Variants in ABCC11 observed in about 807,000 individuals in gnomAD.
The protein encoded by ABCC11 is ATP binding cassette subfamily C member 11.
ABCC11 carries 135 observed loss-of-function variants against 149.3 expected under a neutral mutation model. The ratio of observed to expected loss-of-function variants is 0.90; its 90% CI spans 0.79 to 1.04. ABCC11 has a LOEUF of 1.04. Among genes scored for constraint, ABCC11 ranks in the 50% least tolerant of loss-of-function variants. The pLI is 0.00. For synonymous variants in ABCC11, 665 were observed against 671.4 expected (o/e 0.99, Z 0.15); for missense variants, 1,680 against 1,722.1 (o/e 0.98, Z 0.43).
chr16:48,219,063 G>A (rs557040143), intron 6 of ABCC11, among the ~76,000 whole-genome samples: 4 of 152,080 alleles, frequency 2.6e-5, no homozygotes, highest in East Asian at 3.9e-4. Context: ...AGAGGAGGAC[G>A]CTATGTAAAA....
In ABCC11 at chr16:48,207,550, C is replaced by G. The variant is rs1006689570; in HGVS notation, c.1680+875G>C. Among the ~76,000 whole-genome samples, 7 of 152,026 alleles carry G rather than the reference C, an allele frequency of 4.6e-5. 1 individual carries two copies. Among genetic ancestry groups the G allele is most frequent in the Admixed American group, 3.9e-4 (6 of 15,280 alleles). ...GGCATGGTGGCGCATGCCTGTAGTC[C>G]CAGCTACTCAGGAGGTTGAGGCATG... On this transcript the variant is annotated intron_variant, in intron 12 of 29. Transcript: ENST00000356608.
chr16:48,231,675 A>AAAAG, intron 2 of ABCC11, 148 bp downstream of exon 2: 1 of 817,632 alleles, frequency 1.2e-6, no homozygotes, highest in Non-Finnish European at 1.6e-6. Context: ...AAAAAAAAAA[A>AAAAG]AGAGAGAGAG....
intron 1 of ABCC11, among the ~76,000 whole-genome samples, chr16:48,237,067 T>C (rs1970725892): frequency 6.6e-6 from 1 of 152,222 alleles, no homozygotes. Flanking sequence ...TATTAAACAT[T>C]AGTGTTTTAA....
Position 48,210,971 on chromosome 16 carries a change from T to C in ABCC11, c.1585A>G (p.Lys529Glu), listed in dbSNP as rs61742020. The C allele has an allele frequency of 1.2e-4, 191 of 1,614,164 alleles. 1 individual carries two copies. In the African/African-American group the frequency reaches 2.2e-3, roughly 18 times the overall value. The change falls in exon 11 of 30, where the codon AAG becomes GAG. Residue 529 changes from lysine to glutamate, a missense_variant. Transcript: ENST00000356608. Reference sequence around the variant, plus strand: ...ACCTTGGACACCACCAGGTTGATCTTGTGCAACTCTGGGCCCAGGCTGTTC... The same window carrying C: ...ACCTTGGACACCACCAGGTTGATCTCGTGCAACTCTGGGCCCAGGCTGTTC... ...EGNSLGPELH[K>E]INLVVSKGMM...
intron 6 of ABCC11, among the ~76,000 whole-genome samples, chr16:48,221,346 T>C (rs1204505559): frequency 6.6e-6 from 1 of 151,774 alleles, no homozygotes; most frequent in African/African-American, 2.4e-5. Flanking sequence ...AATAAAGATA[T>C]CAAAATGAAA....
chr16:48,172,509 C>T (rs532740815), intron 26 of ABCC11, among the ~76,000 whole-genome samples: 3 of 151,614 alleles, frequency 2.0e-5, no homozygotes, highest in South Asian at 2.1e-4. Context: ...CTCACTACAG[C>T]GTTGACCTCT....
At position 48,184,481 on chromosome 16, in the gene ABCC11, G is replaced by A. The variant is rs1334530319; in HGVS notation, c.3217C>T (p.Pro1073Ser). The change falls in exon 23 of 30, where the codon CCC becomes TCC. Residue 1073 changes from proline (P) to serine (S), a missense_variant. Pro to Ser is a moderately conservative substitution (Grantham distance 74). Transcript: ENST00000356608. ...LFVAFGISST[P>S]YSFKVMAVNI... ...ACAGCCATGACTTTAAAGGAGTAGG[G>A]GGTGGAGGAAATGCCAAAAGCCACG... is the stretch of plus-strand genomic sequence containing the variant. The A allele has an allele frequency of 8.1e-6, 13 of 1,614,082 alleles. No individual in the cohort carries two copies. The East Asian group carries it at 2.5e-4, about 30-fold the overall frequency.
In ABCC11 at chr16:48,224,387, A is replaced by T; in HGVS notation, c.438T>A (p.Ile146=). 1 of 1,614,152 alleles carries T rather than the reference A, an allele frequency of 6.2e-7. No homozygotes were observed. Among genetic ancestry groups the T allele is most frequent in the Non-Finnish European group, 8.5e-7 (1 of 1,180,020 alleles). The part of the protein sequence containing the change: ...LWEEEVSRRG[I]EKASVLLVML... ...TCACCAGAAGCACTGAAGCTTTTTCAATCCCTCGCCTTGAGACTTCTTCTT... is the reference window on the plus strand; with the variant it reads ...TCACCAGAAGCACTGAAGCTTTTTCTATCCCTCGCCTTGAGACTTCTTCTT... The change falls in exon 5 of 30, where the codon ATT becomes ATA. Residue 146 remains isoleucine (I), a synonymous_variant. Transcript: ENST00000356608.
At chr16:48,169,205 G>C (rs1431417124) in intron 28 of ABCC11, among the ~76,000 whole-genome samples, 1 of 152,176 alleles carries the variant, frequency 6.6e-6, no homozygotes, top group Non-Finnish European at 1.5e-5. Flanking sequence ...GGTCTAATGT[G>C]TTGTGTTTTT....
Position 48,239,183 on chromosome 16 carries a change from T to C in ABCC11, c.-18-7244A>G, listed in dbSNP as rs113065871. On this transcript the variant is annotated intron_variant, in intron 1 of 29. Coordinates refer to ENST00000356608, the MANE Select transcript of ABCC11 (RefSeq NM_001370497.1). ...GTGCTGGGAGAACTGGTTAGCCATA[T>C]GCAGAAAATTGAAACTGGACCCCTT... Among the ~76,000 whole-genome samples, 1,145 of 152,220 alleles carry C rather than the reference T, an allele frequency of 7.5e-3. 16 individuals carry two copies. The highest frequency in any genetic ancestry group is 0.026 in the African/African-American group (1,077 of 41,534).
At chr16:48,208,307 C>T in intron 12 of ABCC11, 118 bp downstream of exon 12, 4 of 1,084,540 alleles carry the variant, frequency 3.7e-6, no homozygotes, top group South Asian at 1.5e-5. Flanking sequence ...TATAAAAATC[C>T]CACTTGCTCA....
intron 1 of ABCC11, among the ~76,000 whole-genome samples, chr16:48,234,526 T>C (rs1894907839): frequency 6.6e-6 from 1 of 152,206 alleles, no homozygotes; most frequent in African/African-American, 2.4e-5. Flanking sequence ...ATCCTCGTCT[T>C]GCCGGGCACA....
chr16:48,239,617 C>T (rs1034463900), intron 1 of ABCC11, among the ~76,000 whole-genome samples: 1 of 150,196 alleles, frequency 6.7e-6, no homozygotes, highest in African/African-American at 2.4e-5. Context: ...ATATAGGCAC[C>T]GGCAAGATTT....
At chr16:48,209,279 T>C (rs1968710390) in intron 11 of ABCC11, 1 of 152,194 alleles carries the variant, frequency 6.6e-6, no homozygotes, top group Non-Finnish European at 1.5e-5. Flanking sequence ...GTGACTTGCA[T>C]TGGCTTATGT....
At chr16:48,218,145 A>C (rs971696008) in intron 6 of ABCC11, among the ~76,000 whole-genome samples, 1 of 152,082 alleles carries the variant, frequency 6.6e-6, no homozygotes, top group Non-Finnish European at 1.5e-5. Flanking sequence ...AAAAATTAAA[A>C]ATTAGCCAAG....
At chr16:48,204,312 G>A (rs372062442) in intron 13 of ABCC11, among the ~76,000 whole-genome samples, 119 of 152,300 alleles carry the variant, frequency 7.8e-4, no homozygotes, top group African/African-American at 2.1e-3. Flanking sequence ...ACAATCTTAC[G>A]CGGGGTGGAA....
Position 48,192,600 on chromosome 16 carries a change from C to T in ABCC11, c.2626G>A (p.Val876Met). Residue 876 changes from valine (V) to methionine (M), a missense_variant, in exon 20 of 30, where the codon GTG becomes ATG. By Grantham distance (21) the Val-to-Met change is conservative. Transcript: ENST00000356608. ...YGLNALLLIC[V>M]GVCSSGIFTK... ...AAAATCCCTGAGGAGCAGACCCCCA[C>T]ACAGATGAGGAGCAGGGCGTTGAGC... The T allele has an allele frequency of 1.2e-6, 2 of 1,614,220 alleles. No individual in the cohort carries two copies. Among genetic ancestry groups the T allele is most frequent in the African/African-American group, 2.7e-5 (2 of 75,054 alleles).
intron 1 of ABCC11, among the ~76,000 whole-genome samples, chr16:48,241,449 C>T (rs1403684099): frequency 5.3e-5 from 8 of 152,120 alleles, no homozygotes; most frequent in Non-Finnish European, 7.4e-5. Flanking sequence ...GAATCAATAT[C>T]GTGAAAATGG....
At chr16:48,184,729 C>G in intron 22 of ABCC11, 103 bp from the exon 23 acceptor site, 4 of 1,193,618 alleles carry the variant, frequency 3.4e-6, no homozygotes, top group Non-Finnish European at 4.7e-6. Flanking sequence ...CAGTTCCCCA[C>G]TCCCAGCAGC....
Sources: gnomAD v4.1 joint callset for allele counts (sites outside exome capture counted in the v4.1 genomes callset) on GRCh38, gnomAD v4.1.1 for gene constraint, MANE v1.5 for transcripts, NCBI Gene and HGNC (gene_info 2026-07-23, HGNC 2026-07-21) for gene names.